STAB2: variants seen among roughly 807,000 people sequenced by gnomAD.
The protein encoded by STAB2 is stabilin-2.
Under a neutral mutation model 338.1 loss-of-function variants are expected in STAB2, and 288 were observed. That is an observed-to-expected ratio of 0.85 (90% CI 0.77 to 0.94). STAB2 has a LOEUF of 0.94. Ranked by LOEUF, STAB2 falls within the 40% of genes least tolerant of loss-of-function variation. The pLI is 0.00. For synonymous variants in STAB2, 1,202 were observed against 1,193.3 expected (o/e 1.01, Z -0.15); for missense variants, 3,141 against 3,210.1 (o/e 0.98, Z 0.52).
At chr12:103,716,332 C>G (rs1880309914) in intron 43 of STAB2, among the ~76,000 whole-genome samples, 1 of 152,132 alleles carries the variant, frequency 6.6e-6, no homozygotes, top group Non-Finnish European at 1.5e-5. Context: ...GTCTGGAGAG[C>G]AGGCTGGGGG....
rs886928744 is a variant in STAB2, at chr12:103,738,576, A to G, written c.5697+796A>G. ...AACTATCCCAAATTTTTTGGATCCC[A>G]GTCAGCCAAAGTAGGAGATGAAACC... is the stretch of plus-strand genomic sequence containing the variant. On this transcript the variant is annotated intron_variant, in intron 53 of 68. Transcript: ENST00000388887. Among the ~76,000 whole-genome samples, 4 of 152,210 alleles carry G rather than the reference A, an allele frequency of 2.6e-5. No individual in the cohort carries two copies. In the South Asian group the frequency reaches 8.3e-4, roughly 32 times the overall value.
chr12:103,641,411 G>T (rs928821757), intron 9 of STAB2, among the ~76,000 whole-genome samples: 3 of 152,140 alleles, frequency 2.0e-5, no homozygotes, highest in Non-Finnish European at 4.4e-5. Flanking sequence ...CCTCCCACCA[G>T]GGCTGTGCTG....
chr12:103,613,040 C>T (rs999778251), intron 3 of STAB2, among the ~76,000 whole-genome samples: 1 of 152,174 alleles, frequency 6.6e-6, no homozygotes, highest in African/African-American at 2.4e-5. Flanking sequence ...CTGATTGTTC[C>T]TCTAGAAGTT....
chr12:103,621,287 A>T (rs909520670), intron 4 of STAB2, among the ~76,000 whole-genome samples: 4 of 146,518 alleles, frequency 2.7e-5, no homozygotes, highest in African/African-American at 9.7e-5. Context: ...ATCCTTTGTG[A>T]ACCGTTAGGC....
intron 3 of STAB2, among the ~76,000 whole-genome samples, chr12:103,605,907 T>C (rs1471876900): frequency 6.6e-6 from 1 of 152,058 alleles, no homozygotes; most frequent in East Asian, 1.9e-4. Context: ...AGGCAACATA[T>C]AGTTAGTTAT....
chr12:103,635,599 C>T (rs1007267499), intron 6 of STAB2, among the ~76,000 whole-genome samples: 3 of 152,194 alleles, frequency 2.0e-5, no homozygotes, highest in Admixed American at 6.5e-5. Context: ...GAAGGCTGTT[C>T]GGTACTCCTC....
chr12:103,698,595 G>T (rs998980972), intron 33 of STAB2, among the ~76,000 whole-genome samples: 4 of 151,974 alleles, frequency 2.6e-5, no homozygotes, highest in Non-Finnish European at 1.5e-5. Flanking sequence ...AGTGCAAATC[G>T]GTCCCACGCA....
chr12:103,637,012 G>A (rs1957557590), intron 6 of STAB2, 99 bp from the exon 7 acceptor site: 22 of 1,327,896 alleles, frequency 1.7e-5, no homozygotes, highest in Middle Eastern at 1.9e-4. Context: ...ATTACAATGA[G>A]TTTGTATTGC....
intron 3 of STAB2, among the ~76,000 whole-genome samples, chr12:103,603,126 A>G (rs1035302523): frequency 6.6e-5 from 10 of 152,086 alleles, no homozygotes; most frequent in Non-Finnish European, 1.5e-4. Flanking sequence ...GCTGGAGTGC[A>G]GTGGCGCGAT....
At chr12:103,591,819 G>T (rs1175321514) in intron 2 of STAB2, among the ~76,000 whole-genome samples, 1 of 152,226 alleles carries the variant, frequency 6.6e-6, no homozygotes, top group Non-Finnish European at 1.5e-5. Context: ...ATGACAAGTG[G>T]TTCTGCTCAC....
intron 7 of STAB2, 142 bp from the exon 8 acceptor site, chr12:103,637,874 T>C (rs1593169213): frequency 1.2e-6 from 1 of 861,404 alleles, no homozygotes; most frequent in East Asian, 2.5e-5. Flanking sequence ...ATCTGTCTGG[T>C]TCAGGGGGAA....
At chr12:103,742,604 T>C in intron 56 of STAB2, 50 bp downstream of exon 56, 1 of 1,609,756 alleles carries the variant, frequency 6.2e-7, no homozygotes, top group Non-Finnish European at 8.5e-7. Context: ...GACTGTGTGC[T>C]CCCTGTCCTT....
At chr12:103,737,915 CA>C (rs1217971746) in intron 53 of STAB2, 135 bp downstream of exon 53, 2 of 1,140,480 alleles carry the variant, frequency 1.8e-6, no homozygotes, top group Admixed American at 3.0e-5. Context: ...ACCTGAGGGC[CA>C]AATGATGTAG....
chr12:103,673,371 G>A (rs919090819), intron 22 of STAB2, among the ~76,000 whole-genome samples: 6 of 151,668 alleles, frequency 4.0e-5, no homozygotes, highest in Admixed American at 3.9e-4. Flanking sequence ...TTTTGAGACA[G>A]GGTCTCACTC....
At chr12:103,732,117 T>C (rs955288130) in intron 50 of STAB2, among the ~76,000 whole-genome samples, 3 of 152,162 alleles carry the variant, frequency 2.0e-5, no homozygotes, top group Admixed American at 6.5e-5. Context: ...GATACCAGCC[T>C]GGCTAACATG....
At position 103,683,062 on chromosome 12, in the gene STAB2, T is replaced by G. The variant is rs529689244; in HGVS notation, c.2806-143T>G. The G allele has an allele frequency of 1.2e-5, 6 of 519,850 alleles. No homozygotes were observed. In the East Asian group the frequency reaches 1.9e-4, roughly 16 times the overall value. The allele number at this position is 519,850 out of a possible 1,614,324, so 32.2% of individuals were successfully genotyped here. On this transcript the variant is annotated intron_variant, in intron 25 of 68. Transcript: ENST00000388887. ...TAATAACTCTAGAATCTGAAGTGTATCAAGCAAAAGGCATTAACACTGTTC... is the reference window on the plus strand; with the variant it reads ...TAATAACTCTAGAATCTGAAGTGTAGCAAGCAAAAGGCATTAACACTGTTC...
At position 103,648,809 on chromosome 12, in the gene STAB2, T is replaced by A. The variant is rs142196073; in HGVS notation, c.1160T>A (p.Phe387Tyr). 134 of 1,613,954 alleles carry A rather than the reference T, an allele frequency of 8.3e-5. 1 individual carries two copies. The East Asian group carries it at 2.9e-3, about 35-fold the overall frequency. ...RGKWQGRLTS[F>Y]ISLLDKAYAW... ...AAATGGCAAGGAAGGCTGACCTCTT[T>A]CATCTCACTCCTAGGTACGCAGCTA... The change falls in exon 10 of 69, where the codon TTC (phenylalanine) becomes TAC (tyrosine). Residue 387 changes from phenylalanine to tyrosine, a missense_variant. By Grantham distance (22) the Phe-to-Tyr change is conservative (BLOSUM62 3). Coordinates refer to ENST00000388887, the MANE Select transcript of STAB2 (RefSeq NM_017564.10).
At chr12:103,692,784 A>T (rs750384080) in intron 30 of STAB2, 28 bp from the exon 31 acceptor site, 2 of 1,597,394 alleles carry the variant, frequency 1.3e-6, no homozygotes, top group Non-Finnish European at 1.7e-6. Flanking sequence ...ATAAAGACTC[A>T]TCTTCCCACT....
Position 103,590,972 on chromosome 12 carries a change from A to G in STAB2, c.157A>G (p.Lys53Glu). 6 of 1,614,118 alleles carry G rather than the reference A, an allele frequency of 3.7e-6. No individual in the cohort carries two copies. Among genetic ancestry groups the G allele is most frequent in the Non-Finnish European group, 5.1e-6 (6 of 1,180,004 alleles). ...CRSCALNLGV[K>E]CPDGYTMITS... The stretch of plus-strand genomic sequence containing the variant: ...ATCCTGCGCTCTCAACCTTGGAGTC[A>G]AGTGCCCGGATGGTTACACCATGAT... Residue 53 changes from lysine (K) to glutamate (E), a missense_variant, in exon 2 of 69, where the codon AAG (lysine) becomes GAG (glutamate). Physicochemically the swap from Lys to Glu is moderately conservative, Grantham distance 56. Coordinates refer to ENST00000388887, the MANE Select transcript of STAB2 (RefSeq NM_017564.10).
Sources: gnomAD v4.1 joint callset for allele counts (sites outside exome capture counted in the v4.1 genomes callset) on GRCh38, gnomAD v4.1.1 for gene constraint, MANE v1.5 for transcripts, NCBI Gene and HGNC (gene_info 2026-07-23, HGNC 2026-07-21) for gene names.